Variants in RHOT1 observed in about 807,000 individuals in gnomAD.
The protein encoded by RHOT1 is ras homolog family member T1, also known as mitochondrial Rho GTPase 1.
A neutral mutation model predicts 95.3 loss-of-function variants in RHOT1; 27 were observed. That is an observed-to-expected ratio of 0.28 (90% CI 0.21 to 0.39). The LOEUF (loss-of-function observed/expected upper bound fraction) is 0.39. Ranked by LOEUF, RHOT1 falls within the 10% of genes least tolerant of loss-of-function variation. The probability of loss-of-function intolerance (pLI) is 1.00; values close to 1 mark genes in which losing one functional copy is unlikely to be tolerated. For missense variants in RHOT1, 578 were observed against 786.7 expected (o/e 0.73, Z 3.17); for synonymous variants, 227 against 263.5 (o/e 0.86, Z 1.34).
At position 32,191,121 on chromosome 17, in the gene RHOT1, C is replaced by A. The variant is rs567274036; in HGVS notation, c.541-1080C>A. 8.5e-5 allele frequency among the ~76,000 whole-genome samples: 13 copies of A among 152,132 alleles called. No individual in the cohort carries two copies. In the East Asian group the frequency reaches 2.3e-3, roughly 27 times the overall value. On this transcript the variant is annotated intron_variant, in intron 8 of 19. Transcript: ENST00000545287. ...CAAATGCTTTCTAAATGTTTGACTT[C>A]TTTTTCTCGTTTCTTTCTCTTTGTA...
chr17:32,190,260 C>G (rs1460249260), intron 8 of RHOT1, among the ~76,000 whole-genome samples: 1 of 152,026 alleles, frequency 6.6e-6, no homozygotes, highest in East Asian at 1.9e-4. Context: ...TCGAGACCAT[C>G]CTGGCTAACA....
At chr17:32,152,816 C>G (rs200468232) in intron 1 of RHOT1, among the ~76,000 whole-genome samples, 16 of 130,904 alleles carry the variant, frequency 1.2e-4, no homozygotes, top group African/African-American at 3.7e-4. Context: ...TTTTTTTTTT[C>G]TTTTTGAGAC....
rs2037893150 is a variant in RHOT1 at position 32,208,277 on chromosome 17, C to T, written c.1707C>T (p.Ile569=). The T allele has an allele frequency of 6.2e-7, 1 of 1,614,044 alleles. No individual in the cohort carries two copies. Among genetic ancestry groups the T allele is most frequent in the Non-Finnish European group, 8.5e-7 (1 of 1,179,944 alleles). The change falls in exon 18 of 20, where the codon ATC becomes ATT. Residue 569 remains isoleucine, a synonymous_variant. Transcript: ENST00000545287. Reference sequence around the variant, plus strand: ...CTGCTGATGCCCCCAGTAAGGATATCTTTGTTAAATTGACAACAATGGCCA... The same window carrying T: ...CTGCTGATGCCCCCAGTAAGGATATTTTTGTTAAATTGACAACAATGGCCA... ...CNTADAPSKD[I]FVKLTTMAMY... is the part of the protein sequence containing the mutation.
At chr17:32,180,051 C>CT (rs1300905249) in intron 6 of RHOT1, 60 of 153,332 alleles carry the variant, frequency 3.9e-4, no homozygotes, top group African/African-American at 1.3e-3. Flanking sequence ...CCCAGCCACC[C>CT]ATCGTCTGGG....
chr17:32,178,480 G>T (rs150679964), intron 6 of RHOT1, among the ~76,000 whole-genome samples: 42 of 151,980 alleles, frequency 2.8e-4, no homozygotes, highest in Non-Finnish European at 7.4e-5. Flanking sequence ...ACGGAGTCTC[G>T]CTCACTCAAT....
chr17:32,209,400 G>A (rs2037977046), intron 18 of RHOT1: 1 of 1,611,856 alleles, frequency 6.2e-7, no homozygotes, highest in African/African-American at 1.3e-5. Flanking sequence ...CACACTGATA[G>A]AATAGAGAAT....
rs71362807 is a variant in RHOT1, at chr17:32,189,736, C to CTTTT, written c.541-2450_541-2447dup. ...ACAACAATATCTTTTCTTTTCTTTT[C>CTTTT]TTTTTTTTTTTTTTTTTTGAGATGG... On this transcript the variant is annotated intron_variant, in intron 8 of 19. Coordinates refer to ENST00000545287, the MANE Select transcript of RHOT1 (RefSeq NM_001033566.3). Among the ~76,000 whole-genome samples the CTTTT allele has an allele frequency of 6.7e-3, 835 of 124,348 alleles. 27 individuals are homozygous for CTTTT. Among genetic ancestry groups the CTTTT allele is most frequent in the African/African-American group, 0.025 (783 of 31,736 alleles). The allele number at this position is 124,348 out of a possible 152,430, so 81.6% of individuals were successfully genotyped here. A position where few individuals can be genotyped will look rare whatever the true frequency, so the allele number is the denominator to read the frequency against.
At chr17:32,203,834 G>T in intron 15 of RHOT1, 56 bp from the exon 16 acceptor site, 4 of 1,218,764 alleles carry the variant, frequency 3.3e-6, no homozygotes, top group Non-Finnish European at 4.9e-6. Context: ...AGAGATGTTT[G>T]TATATTGTTG....
In RHOT1 at chr17:32,164,818, A is replaced by T. The variant is rs574672794; in HGVS notation, c.38-6225A>T. 6.6e-5 allele frequency among the ~76,000 whole-genome samples: 10 copies of T among 152,092 alleles called. No individual in the cohort carries two copies. In the South Asian group the frequency reaches 2.1e-3, roughly 32 times the overall value. On this transcript the variant is annotated intron_variant, in intron 1 of 19. Transcript: ENST00000545287. The stretch of plus-strand genomic sequence containing the variant: ...AAGGTCAAAACTTCAGTGGTCTGTG[A>T]TGGCACCACTGCACTTCAGCCTGGG...
At chr17:32,155,642 C>T (rs1416518557) in intron 1 of RHOT1, among the ~76,000 whole-genome samples, 1 of 151,688 alleles carries the variant, frequency 6.6e-6, no homozygotes, top group Non-Finnish European at 1.5e-5. Flanking sequence ...TCCCAGGCTC[C>T]AGGGATCCTC....
At chr17:32,177,427 T>G (rs1207631341) in intron 6 of RHOT1, among the ~76,000 whole-genome samples, 3 of 152,118 alleles carry the variant, frequency 2.0e-5, no homozygotes, top group Admixed American at 1.3e-4. Context: ...TTTTCTTGCT[T>G]TTGCTTGCGC....
chr17:32,194,099 G>C lies in RHOT1; in HGVS notation c.861G>C (p.Leu287Phe). Residue 287 changes from leucine (L) to phenylalanine (F), a missense_variant, in exon 11 of 20, where the codon TTG becomes TTC. Physicochemically the swap from Leu to Phe is conservative, Grantham distance 22 (BLOSUM62 0). Around this residue, in one of 4 missense-constraint regions of RHOT1, gnomAD observed 227 missense variants for 316.0 expected, o/e 0.72. Coordinates refer to ENST00000545287, the MANE Select transcript of RHOT1 (RefSeq NM_001033566.3). The stretch of plus-strand genomic sequence containing the variant: ...ACCTGGATTTGACACCTGAATATTT[G>C]TTCCCCCTGTATGTACCTTTGTTTT... ...DDDLDLTPEY[L>F]FPLLKIPPDC... 1 of 1,613,524 alleles carries C rather than the reference G, an allele frequency of 6.2e-7. No homozygotes were observed. Among genetic ancestry groups the C allele is most frequent in the Non-Finnish European group, 8.5e-7 (1 of 1,179,744 alleles).
intron 8 of RHOT1, among the ~76,000 whole-genome samples, chr17:32,188,836 C>A (rs147064607): frequency 0.014 from 2,094 of 152,274 alleles, 28 homozygotes; most frequent in Admixed American, 0.025. Context: ...AGAAAATGTG[C>A]CAACTCCTGG....
chr17:32,221,217 A>G (rs1413141840), intron 19 of RHOT1: 1 of 167,586 alleles, frequency 6.0e-6, no homozygotes, highest in Non-Finnish European at 1.2e-5. Context: ...AAAATACAAA[A>G]ATTAGCTGGG....
At chr17:32,199,164 C>T (rs1465453269) in intron 12 of RHOT1, 133 bp downstream of exon 12, 12 of 778,398 alleles carry the variant, frequency 1.5e-5, no homozygotes, top group East Asian at 2.7e-5. Context: ...AAGTTAAATT[C>T]GCAAAAATAT....
intron 1 of RHOT1, among the ~76,000 whole-genome samples, chr17:32,169,103 A>G (rs536987636): frequency 3.3e-5 from 5 of 152,208 alleles, no homozygotes; most frequent in African/African-American, 7.2e-5. Context: ...TCGGTTGTTC[A>G]TAGCCCTCTC....
In RHOT1 at chr17:32,202,895, T is replaced by G; in HGVS notation, c.1327T>G (p.Leu443Val). 6.2e-7 allele frequency: 1 copy of G among 1,610,526 alleles called. No homozygotes were observed. The highest frequency in any genetic ancestry group is 8.5e-7 in the Non-Finnish European group (1 of 1,179,176). The change falls in exon 15 of 20, where the codon TTA (leucine) becomes GTA (valine). Residue 443 changes from leucine (L) to valine (V), a missense_variant. Transcript: ENST00000545287. Reference sequence around the variant, plus strand: ...TCTTCAGGCTCTTCTTGGAAGAAACTTAATGGTGAGAGTTCTCGTAAAATA... The same window carrying G: ...TCTTCAGGCTCTTCTTGGAAGAAACGTAATGGTGAGAGTTCTCGTAAAATA... ...GVLQALLGRN[L>V]MRQKKIREDH...
intron 11 of RHOT1, among the ~76,000 whole-genome samples, chr17:32,194,509 A>T (rs2036722020): frequency 6.6e-6 from 1 of 152,220 alleles, no homozygotes; most frequent in Non-Finnish European, 1.5e-5. Context: ...CAGTTGTGAC[A>T]ACCAAAACTG....
chr17:32,158,461 G>T (rs955127326), intron 1 of RHOT1, among the ~76,000 whole-genome samples: 1 of 152,032 alleles, frequency 6.6e-6, no homozygotes, highest in Non-Finnish European at 1.5e-5. Context: ...GTCTCCCTCT[G>T]TCGTCGTTTT....
Sources: gnomAD v4.1 joint callset for allele counts (sites outside exome capture counted in the v4.1 genomes callset) on GRCh38, gnomAD v4.1.1 for gene constraint, gnomAD v4.1.1 regional missense constraint, MANE v1.5 for transcripts, NCBI Gene and HGNC (gene_info 2026-07-23, HGNC 2026-07-21) for gene names.